COPG2: variants seen among roughly 807,000 people sequenced by gnomAD.
The protein encoded by COPG2 is coatomer subunit gamma-2.
COPG2 carries 37 observed loss-of-function variants against 46.3 expected under a neutral mutation model. The ratio of observed to expected loss-of-function variants is 0.80; its 90% CI spans 0.61 to 1.05. The LOEUF is 1.05. Among genes scored for constraint, COPG2 ranks in the 50% least tolerant of loss-of-function variants. COPG2 has a pLI of 0.00. For synonymous variants in COPG2, 159 were observed against 129.7 expected (o/e 1.23, Z -1.53); for missense variants, 427 against 387.8 (o/e 1.10, Z -0.85).
At chr7:130,510,115 A>G in intron 20 of COPG2, 1 of 520,178 alleles carries the variant, frequency 1.9e-6, no homozygotes, top group Non-Finnish European at 3.8e-6. Flanking sequence ...CAAGAGATTG[A>G]AAGGTTAGAG....
intron 21 of COPG2, 57 bp downstream of exon 21, chr7:130,508,505 G>C: frequency 1.4e-6 from 1 of 717,250 alleles, no homozygotes; most frequent in East Asian, 2.6e-5. Flanking sequence ...TCTCAAGGCA[G>C]AAGTCACTTA....
At chr7:130,655,634 C>T (rs1039019563) in intron 4 of COPG2, among the ~76,000 whole-genome samples, 1 of 151,690 alleles carries the variant, frequency 6.6e-6, no homozygotes, top group Non-Finnish European at 1.5e-5. Context: ...TTCATAAATT[C>T]GAGCTTTCCT....
At chr7:130,608,201 ATAC>A (rs1401324102) in intron 9 of COPG2, 2 of 464,442 alleles carry the variant, frequency 4.3e-6, no homozygotes, top group Non-Finnish European at 8.7e-6. Context: ...ATCAAATAAT[ATAC>A]TACTGCATGA....
chr7:130,616,971 A>T lies in COPG2; in HGVS notation c.399+19T>A. The stretch of plus-strand genomic sequence containing the variant: ...AACATAGTGTTCCATTTGGTAACTC[A>T]GTGAAACAGATAACTTACATCGGTG... On this transcript the variant is annotated intron_variant, in intron 6 of 23. Coordinates refer to ENST00000425248, the MANE Select transcript of COPG2 (RefSeq NM_012133.6). 1.9e-6 allele frequency: 3 copies of T among 1,554,664 alleles called. No individual in the cohort carries two copies. The South Asian group carries it at 3.4e-5, about 18-fold the overall frequency.
intron 3 of COPG2, among the ~76,000 whole-genome samples, chr7:130,665,166 C>T (rs969997314): frequency 1.3e-5 from 2 of 151,974 alleles, no homozygotes; most frequent in African/African-American, 2.4e-5. Context: ...GGTAACAGAG[C>T]GAGACTCCAT....
chr7:130,595,777 C>T (rs901608247), intron 9 of COPG2, among the ~76,000 whole-genome samples: 2 of 151,200 alleles, frequency 1.3e-5, no homozygotes, highest in South Asian at 4.2e-4. Flanking sequence ...CACCGGCTGG[C>T]GCTGAGGTCC....
chr7:130,615,928 C>T (rs1794941945), intron 6 of COPG2, among the ~76,000 whole-genome samples: 1 of 152,170 alleles, frequency 6.6e-6, no homozygotes, highest in Non-Finnish European at 1.5e-5. Flanking sequence ...CTTAGATCCC[C>T]CTTAGGACAT....
intron 5 of COPG2, among the ~76,000 whole-genome samples, chr7:130,638,222 G>A (rs1795384011): frequency 6.6e-6 from 1 of 152,180 alleles, no homozygotes; most frequent in Admixed American, 6.5e-5. Context: ...ACTTGAGGAG[G>A]TAGTCTGACC....
intron 5 of COPG2, among the ~76,000 whole-genome samples, chr7:130,642,706 T>C (rs947404729): frequency 2.6e-5 from 4 of 152,212 alleles, no homozygotes; most frequent in Non-Finnish European, 4.4e-5. Flanking sequence ...CTTCAAAAAA[T>C]CTGTGGAAAA....
intron 20 of COPG2, among the ~76,000 whole-genome samples, chr7:130,529,953 A>G (rs1477938190): frequency 3.3e-5 from 5 of 152,320 alleles, no homozygotes; most frequent in South Asian, 4.1e-4. Context: ...GAAGCTGAGG[A>G]GGAGGGCCTT....
At position 130,598,064 on chromosome 7, in the gene COPG2, C is replaced by A. The variant is rs189587414; in HGVS notation, c.737+12889G>T. 4.6e-5 allele frequency among the ~76,000 whole-genome samples: 7 copies of A among 152,282 alleles called. No individual in the cohort carries two copies. The East Asian group carries it at 1.2e-3, about 25-fold the overall frequency. On this transcript the variant is annotated intron_variant, in intron 9 of 23. Coordinates refer to ENST00000425248, the MANE Select transcript of COPG2 (RefSeq NM_012133.6). ...GGACCAAACAGCCCTAACAGCAAAC[C>A]TGTAGGAAATGGTTGCCGCTTCTAG...
intron 3 of COPG2, among the ~76,000 whole-genome samples, chr7:130,664,403 C>A (rs1796034666): frequency 6.6e-6 from 1 of 152,200 alleles, no homozygotes; most frequent in Non-Finnish European, 1.5e-5. Context: ...ATTTATCTTT[C>A]TTTCACAACT....
intron 20 of COPG2, among the ~76,000 whole-genome samples, chr7:130,535,956 G>A (rs1799875896): frequency 1.3e-5 from 2 of 152,066 alleles, no homozygotes; most frequent in Admixed American, 1.3e-4. Flanking sequence ...CCACCAAATG[G>A]GAAGTCTCTC....
chr7:130,569,432 T>C (rs1229470177), intron 9 of COPG2, among the ~76,000 whole-genome samples: 1 of 152,122 alleles, frequency 6.6e-6, no homozygotes, highest in Non-Finnish European at 1.5e-5. Context: ...TGAACACCTT[T>C]ATACACACAA....
At chr7:130,648,544 C>A (rs1449906996) in intron 5 of COPG2, among the ~76,000 whole-genome samples, 1 of 152,176 alleles carries the variant, frequency 6.6e-6, no homozygotes, top group Non-Finnish European at 1.5e-5. Flanking sequence ...AATTCCTCTC[C>A]ATCTTCGGAC....
At chr7:130,549,431 G>A (rs1036295696) in intron 17 of COPG2, 55 bp from the exon 18 acceptor site, 42 of 398,466 alleles carry the variant, frequency 1.1e-4, no homozygotes, top group African/African-American at 5.3e-4. Context: ...TATCAAGCTA[G>A]CAATGCAGAC....
At chr7:130,642,866 T>C (rs1209938225) in intron 5 of COPG2, among the ~76,000 whole-genome samples, 1 of 151,860 alleles carries the variant, frequency 6.6e-6, no homozygotes, top group Non-Finnish European at 1.5e-5. Flanking sequence ...CTACTAAAAA[T>C]ACAAAAATTA....
intron 5 of COPG2, among the ~76,000 whole-genome samples, chr7:130,647,980 T>G (rs4259357): frequency 6.6e-6 from 1 of 151,992 alleles, no homozygotes; most frequent in African/African-American, 2.4e-5. Flanking sequence ...TCCACCCACC[T>G]CGGCCTCCCA....
chr7:130,617,032 T>C lies in COPG2; in HGVS notation c.357A>G (p.Val119=), dbSNP rs534538239. The C allele has an allele frequency of 2.5e-6, 4 of 1,611,388 alleles. No homozygotes were observed. The highest frequency in any genetic ancestry group is 3.4e-6 in the Non-Finnish European group (4 of 1,178,264). The change falls in exon 6 of 24, where the codon GTA becomes GTG. Residue 119 remains valine, a synonymous_variant. Coordinates refer to ENST00000425248, the MANE Select transcript of COPG2 (RefSeq NM_012133.6). ...LTKDMTGKED[V]YRGPAIRALC... ...GAGCTCTGATGGCCGGGCCTCGGTA[T>C]ACATCTTCTTTTCCAGTCATGTCTT... is the stretch of plus-strand genomic sequence containing the variant.
Sources: allele counts gnomAD v4.1 joint callset (sites outside exome capture counted in the v4.1 genomes callset), GRCh38; gene constraint gnomAD v4.1.1; transcripts MANE v1.5; gene names NCBI Gene and HGNC (gene_info 2026-07-23, HGNC 2026-07-21).